ESPL1: variants seen among roughly 807,000 people sequenced by gnomAD.
The protein encoded by ESPL1 is separin.
In ESPL1, 50 loss-of-function variants were observed where a neutral mutation model predicts 217.2. The observed-to-expected ratio is 0.23, with a 90% CI of 0.18 to 0.29. ESPL1 has a LOEUF of 0.29. Ranked by LOEUF, ESPL1 falls within the 10% of genes least tolerant of loss-of-function variation. ESPL1 has a pLI of 1.00. For synonymous variants in ESPL1, 994 were observed against 1,081.3 expected (o/e 0.92, Z 1.58); for missense variants, 1,834 against 2,603.0 (o/e 0.70, Z 6.43).
Position 53,274,738 on chromosome 12 carries a change from C to G in ESPL1, c.1507-79C>G, listed in dbSNP as rs937570466. The G allele has an allele frequency of 5.0e-5, 60 of 1,199,876 alleles. No homozygotes were observed. In the East Asian group the frequency reaches 1.3e-3, roughly 25 times the overall value. 74.3% of individuals were successfully genotyped at this position (1,199,876 alleles called of 1,614,324 possible). A position where few individuals can be genotyped will look rare whatever the true frequency, so the allele number is the denominator to read the frequency against. ...CCGCCCCCTCATGTGGTGTATGTAC[C>G]TATTGCATGCATATCCCCTTCCACC... On this transcript the variant is annotated intron_variant, in intron 6 of 30. Coordinates refer to ENST00000257934, the MANE Select transcript of ESPL1 (RefSeq NM_012291.5).
chr12:53,288,378 TG>T, intron 19 of ESPL1, 37 bp downstream of exon 19: 1 of 1,556,482 alleles, frequency 6.4e-7, no homozygotes, highest in Non-Finnish European at 8.7e-7. Context: ...GTGCATGTTT[TG>T]GGGGTTTGTT....
intron 18 of ESPL1, 26 bp from the exon 19 acceptor site, chr12:53,287,946 C>G: frequency 6.4e-7 from 1 of 1,561,026 alleles, no homozygotes; most frequent in Non-Finnish European, 8.7e-7. Context: ...ACCTCTTAGC[C>G]CTTCACCCTT....
chr12:53,293,311 G>A lies in ESPL1; in HGVS notation c.6200G>A (p.Arg2067His), dbSNP rs140602543. Reference sequence around the variant, plus strand: ...GGTAATCTCTGGGATGTGACTGACCGCGACATTGACCGCTACACGGAAGCT... The same window carrying A: ...GGTAATCTCTGGGATGTGACTGACCACGACATTGACCGCTACACGGAAGCT... ...FLGNLWDVTD[R>H]DIDRYTEALL... is the part of the protein sequence containing the mutation. Residue 2067 changes from arginine to histidine, a missense_variant, in exon 31 of 31, where the codon CGC (arginine) becomes CAC (histidine). Physicochemically the swap from Arg to His is conservative, Grantham distance 29 (BLOSUM62 0). Transcript: ENST00000257934. This position sits in a 1 kb window ranked among gnomAD's most constrained non-coding sequence, Gnocchi z 4.2. 11 of 1,613,916 alleles carry A rather than the reference G, an allele frequency of 6.8e-6. No homozygotes were observed. Among genetic ancestry groups the A allele is most frequent in the African/African-American group, 5.3e-5 (4 of 74,858 alleles).
intron 12 of ESPL1, 28 bp from the exon 13 acceptor site, chr12:53,281,479 C>G (rs1419802251): frequency 1.2e-6 from 2 of 1,609,036 alleles, no homozygotes; most frequent in East Asian, 4.5e-5. Flanking sequence ...GCTGCCTTTC[C>G]TCATGTGCCC....
intron 22 of ESPL1, 138 bp from the exon 23 acceptor site, chr12:53,289,947 G>C (rs545574371): frequency 1.3e-4 from 113 of 894,984 alleles, no homozygotes; most frequent in Non-Finnish European, 1.8e-4. Context: ...ATTAGAGCAA[G>C]GGAGAGCACC....
chr12:53,277,234 G>T lies in ESPL1; in HGVS notation c.2085+7G>T. ...GGAAGCCAAAATGCAGGAAGTGAGT[G>T]TGGCTGCTGTGGGGCTCACCAGAAC... On this transcript the variant is annotated splice_region_variant and intron_variant, in intron 9 of 30. Transcript: ENST00000257934. 1 of 1,603,244 alleles carries T rather than the reference G, an allele frequency of 6.2e-7. No individual in the cohort carries two copies. The highest frequency in any genetic ancestry group is 1.7e-5 in the Admixed American group (1 of 59,774).
chr12:53,281,874 G>T (rs1032924743), intron 13 of ESPL1, among the ~76,000 whole-genome samples: 1 of 152,178 alleles, frequency 6.6e-6, no homozygotes, highest in Non-Finnish European at 1.5e-5. Flanking sequence ...GAAAAGCTGG[G>T]ACAATGGTGA....
In ESPL1 at chr12:53,270,028, C is replaced by A; in HGVS notation, c.1086C>A (p.Ser362Arg). ...KRRYRLDAIL[S>R]LFAFLGGYCS... ...GCTATAGACTTGATGCCATTCTGAG[C>A]CTCTTTGCTTTTCTTGGAGGGTACT... Residue 362 changes from serine (S) to arginine (R), a missense_variant, in exon 3 of 31, where the codon AGC (serine) becomes AGA (arginine). Around this residue, in one of 5 missense-constraint regions of ESPL1, gnomAD observed 746 missense variants for 1,077.0 expected, o/e 0.69. Transcript: ENST00000257934. The A allele has an allele frequency of 6.2e-7, 1 of 1,614,038 alleles. No homozygotes were observed. The highest frequency in any genetic ancestry group is 1.1e-5 in the South Asian group (1 of 91,062).
rs781575984 is a variant in ESPL1, at chr12:53,290,916, G to C, written c.5440G>C (p.Gly1814Arg). Reference protein sequence around the residue: ...GLLLPSSEEPGPAQEASRLQE... With the variant: ...GLLLPSSEEPRPAQEASRLQE... ...GCTGCTGCCGTCCAGTGAGGAGCCCGGCCCTGCCCAGGAGGCCTCCCGCCT... is the reference window on the plus strand; with the variant it reads ...GCTGCTGCCGTCCAGTGAGGAGCCCCGCCCTGCCCAGGAGGCCTCCCGCCT... The change falls in exon 25 of 31, where the codon GGC becomes CGC. Residue 1814 changes from glycine to arginine, a missense_variant. Physicochemically the swap from Gly to Arg is moderately radical, Grantham distance 125. This residue lies in a region of ESPL1 where 295 missense variants were observed against 519.8 expected (regional missense o/e 0.57). Transcript: ENST00000257934. 1 of 1,607,028 alleles carries C rather than the reference G, an allele frequency of 6.2e-7. No homozygotes were observed. Among genetic ancestry groups the C allele is most frequent in the African/African-American group, 1.3e-5 (1 of 74,842 alleles).
chr12:53,292,793 C>T lies in ESPL1; in HGVS notation c.5997-13C>T, dbSNP rs1442196805. On this transcript the variant is annotated splice_polypyrimidine_tract_variant and intron_variant, in intron 29 of 30. Transcript: ENST00000257934. This position sits in a 1 kb window ranked among gnomAD's most constrained non-coding sequence, Gnocchi z 4.5. ...TACTAGCTCAAGACTCATCTCACCT[C>T]CTTCTGCCTTAGCTATGCAGGGCAT... is the stretch of plus-strand genomic sequence containing the variant. 9 of 1,607,644 alleles carry T rather than the reference C, an allele frequency of 5.6e-6. No individual in the cohort carries two copies. Among genetic ancestry groups the T allele is most frequent in the Non-Finnish European group, 7.6e-6 (9 of 1,179,798 alleles).
rs1413976791 is a variant in ESPL1, at chr12:53,283,377, T to C, written c.2921-5T>C. The C allele has an allele frequency of 4.3e-6, 7 of 1,614,030 alleles. No individual in the cohort carries two copies. In the South Asian group the frequency reaches 7.7e-5, roughly 18 times the overall value. ...GTGATGGTGGTCTTGTCTCTTTTGC[T>C]ACAGGTGAAAATCTGGTACAAAAAT... On this transcript the variant is annotated splice_region_variant and splice_polypyrimidine_tract_variant and intron_variant, in intron 15 of 30. Coordinates refer to ENST00000257934, the MANE Select transcript of ESPL1 (RefSeq NM_012291.5).
At chr12:53,290,245 C>T (rs1265879304) in intron 23 of ESPL1, 33 bp downstream of exon 23, 1 of 1,612,632 alleles carries the variant, frequency 6.2e-7, no homozygotes, top group Admixed American at 1.7e-5. Context: ...CAAAGTTGGG[C>T]TGGATTGGGC....
chr12:53,281,466 C>G (rs1943860454), intron 12 of ESPL1, 41 bp from the exon 13 acceptor site: 1 of 1,604,558 alleles, frequency 6.2e-7, no homozygotes, highest in Non-Finnish European at 8.5e-7. Context: ...TTTGAAGAGC[C>G]TGGCTGCCTT....
Position 53,286,210 on chromosome 12 carries a change from A to G in ESPL1, c.3474A>G (p.Ala1158=). The G allele has an allele frequency of 6.2e-7, 1 of 1,614,230 alleles. No homozygotes were observed. The highest frequency in any genetic ancestry group is 8.5e-7 in the Non-Finnish European group (1 of 1,180,042). ...CSLCASPVLT[A]VCLRWVLVTA... ...TCTGCGCCAGCCCTGTCCTCACAGCAGTCTGTCTGCGCTGGGTATTGGTCA... is the reference window on the plus strand; with the variant it reads ...TCTGCGCCAGCCCTGTCCTCACAGCGGTCTGTCTGCGCTGGGTATTGGTCA... Residue 1158 remains alanine, a synonymous_variant, in exon 18 of 31, where the codon GCA becomes GCG. Transcript: ENST00000257934. The surrounding 1 kb of genome is among the most constrained non-coding windows in gnomAD (Gnocchi z 5.3).
Position 53,292,688 on chromosome 12 carries a change from G to A in ESPL1, c.5996+31G>A, listed in dbSNP as rs1446928717. The A allele has an allele frequency of 6.2e-7, 1 of 1,603,848 alleles. No individual in the cohort carries two copies. The highest frequency in any genetic ancestry group is 8.5e-7 in the Non-Finnish European group (1 of 1,171,826). On this transcript the variant is annotated intron_variant, in intron 29 of 30. Coordinates refer to ENST00000257934, the MANE Select transcript of ESPL1 (RefSeq NM_012291.5). This position sits in a 1 kb window ranked among gnomAD's most constrained non-coding sequence, Gnocchi z 4.5. The stretch of plus-strand genomic sequence containing the variant: ...TGCTTAAGGCAGGGATGTGGGGAGA[G>A]GGGCAGTCCTGAGGATGGTATCACC...
At chr12:53,276,055 T>C (rs1943760870) in intron 7 of ESPL1, among the ~76,000 whole-genome samples, 1 of 152,120 alleles carries the variant, frequency 6.6e-6, no homozygotes, top group Non-Finnish European at 1.5e-5. Context: ...TAAAAAATAT[T>C]AGCCGAATGT....
chr12:53,292,686 G>C lies in ESPL1; in HGVS notation c.5996+29G>C. Reference sequence around the variant, plus strand: ...AGTGCTTAAGGCAGGGATGTGGGGAGAGGGGCAGTCCTGAGGATGGTATCA... The same window carrying C: ...AGTGCTTAAGGCAGGGATGTGGGGACAGGGGCAGTCCTGAGGATGGTATCA... On this transcript the variant is annotated intron_variant, in intron 29 of 30. Transcript: ENST00000257934. The surrounding 1 kb of genome is among the most constrained non-coding windows in gnomAD (Gnocchi z 4.5). 1.2e-6 allele frequency: 2 copies of C among 1,605,028 alleles called. No homozygotes were observed. The highest frequency in any genetic ancestry group is 3.3e-4 in the Middle Eastern group (2 of 6,050).
In ESPL1 at chr12:53,292,709, T is replaced by C; in HGVS notation, c.5996+52T>C. ...GAGAGGGGCAGTCCTGAGGATGGTA[T>C]CACCATGGGTTGCTTTGGGACTTGA... On this transcript the variant is annotated intron_variant, in intron 29 of 30. Coordinates refer to ENST00000257934, the MANE Select transcript of ESPL1 (RefSeq NM_012291.5). The surrounding 1 kb of genome is among the most constrained non-coding windows in gnomAD (Gnocchi z 4.5). The C allele has an allele frequency of 6.3e-7, 1 of 1,599,730 alleles. No homozygotes were observed. The highest frequency in any genetic ancestry group is 8.6e-7 in the Non-Finnish European group (1 of 1,168,794).
chr12:53,280,376 T>C (rs896478322), intron 12 of ESPL1, among the ~76,000 whole-genome samples: 1 of 152,210 alleles, frequency 6.6e-6, no homozygotes, highest in African/African-American at 2.4e-5. Context: ...TTACTATTTT[T>C]GCATCACTCT....
Sources: gnomAD v4.1 joint callset for allele counts (sites outside exome capture counted in the v4.1 genomes callset) on GRCh38, gnomAD v4.1.1 for gene constraint, gnomAD v4.1.1 regional missense constraint, Gnocchi (gnomAD v3.1) non-coding constraint, MANE v1.5 for transcripts, NCBI Gene and HGNC (gene_info 2026-07-23, HGNC 2026-07-21) for gene names.